Variants in DRC11 observed in about 807,000 individuals in gnomAD.
The protein encoded by DRC11 is dynein regulatory complex subunit 11.
chr2:236,430,727 T>C, the DRC11 span, among the ~76,000 whole-genome samples: 1 of 152,216 alleles, frequency 6.6e-6, no homozygotes, highest in Non-Finnish European at 1.5e-5. This position sits in a 1 kb window ranked among gnomAD's most constrained non-coding sequence, Gnocchi z 6.0. Context: ...GTATGCACAT[T>C]TGTAATACTG....
At chr2:236,413,005 G>A in the DRC11 span, 1 of 152,234 alleles carries the variant, frequency 6.6e-6, no homozygotes, top group Non-Finnish European at 1.5e-5. The surrounding 1 kb of genome is among the most constrained non-coding windows in gnomAD (Gnocchi z 4.0). Flanking sequence ...GATGTGGGCA[G>A]ACTTGGGCTG....
At chr2:236,489,295 G>A in the DRC11 span, among the ~76,000 whole-genome samples, 1 of 139,786 alleles carries the variant, frequency 7.2e-6, no homozygotes, top group Non-Finnish European at 1.5e-5. Context: ...TGTGGGCTCT[G>A]GGTGCATGCT....
chr2:236,358,446 C>T, the DRC11 span, among the ~76,000 whole-genome samples: 8 of 129,110 alleles, frequency 6.2e-5, no homozygotes, highest in African/African-American at 2.3e-4. Context: ...TATAAATATA[C>T]ATATAAAAAG....
chr2:236,477,077 T>C, the DRC11 span, among the ~76,000 whole-genome samples: 1 of 152,196 alleles, frequency 6.6e-6, no homozygotes, highest in African/African-American at 2.4e-5. Flanking sequence ...TCTTTTTTTG[T>C]TGTGTCTATG....
chr2:236,409,786 A>G, the DRC11 span, among the ~76,000 whole-genome samples: 2 of 152,034 alleles, frequency 1.3e-5, no homozygotes, highest in Non-Finnish European at 2.9e-5. Flanking sequence ...ACGTCCCATC[A>G]ATACCTAATT....
chr2:236,494,291 C>T, the DRC11 span, among the ~76,000 whole-genome samples: 5 of 152,060 alleles, frequency 3.3e-5, no homozygotes, highest in African/African-American at 4.8e-5. This position sits in a 1 kb window ranked among gnomAD's most constrained non-coding sequence, Gnocchi z 4.2. Context: ...TCATTAGCAC[C>T]GACTATTTGT....
the DRC11 span, chr2:236,331,375 T>C: frequency 2.5e-6 from 4 of 1,613,034 alleles, no homozygotes; most frequent in East Asian, 4.5e-5. This position sits in a 1 kb window ranked among gnomAD's most constrained non-coding sequence, Gnocchi z 4.8. Context: ...GCTCTCTTCT[T>C]CCTCTTTGTA....
At chr2:236,430,125 C>T in the DRC11 span, among the ~76,000 whole-genome samples, 1 of 151,836 alleles carries the variant, frequency 6.6e-6, no homozygotes, top group East Asian at 1.9e-4. The surrounding 1 kb of genome is among the most constrained non-coding windows in gnomAD (Gnocchi z 6.0). Context: ...AATACACTTG[C>T]TAAAAAGTCA....
the DRC11 span, among the ~76,000 whole-genome samples, chr2:236,492,613 T>C: frequency 1.8e-4 from 27 of 152,298 alleles, no homozygotes; most frequent in African/African-American, 5.8e-4. Flanking sequence ...CCAGCTTGAA[T>C]GGACAAGTGC....
the DRC11 span, among the ~76,000 whole-genome samples, chr2:236,310,230 GA>G: frequency 6.6e-6 from 1 of 152,120 alleles, no homozygotes; most frequent in Non-Finnish European, 1.5e-5. This position sits in a 1 kb window ranked among gnomAD's most constrained non-coding sequence, Gnocchi z 5.5. Flanking sequence ...GGGCCCAGGA[GA>G]AAAGGCAGGA....
At chr2:236,365,258 G>C in the DRC11 span, among the ~76,000 whole-genome samples, 1 of 152,048 alleles carries the variant, frequency 6.6e-6, no homozygotes, top group Admixed American at 6.5e-5. This position sits in a 1 kb window ranked among gnomAD's most constrained non-coding sequence, Gnocchi z 7.4. Context: ...GAGAACGGGA[G>C]GCAAGCAGTG....
the DRC11 span, among the ~76,000 whole-genome samples, chr2:236,340,006 G>T: frequency 6.6e-6 from 1 of 152,218 alleles, no homozygotes; most frequent in South Asian, 2.1e-4. Context: ...ATCTTAACAA[G>T]ATTAAGTCTT....
chr2:236,355,605 C>T, the DRC11 span, among the ~76,000 whole-genome samples: 1 of 152,108 alleles, frequency 6.6e-6, no homozygotes, highest in Non-Finnish European at 1.5e-5. Flanking sequence ...CCTCTCTTTC[C>T]TCTCCCCCTC....
At chr2:236,316,354 G>A in the DRC11 span, among the ~76,000 whole-genome samples, 2 of 152,072 alleles carry the variant, frequency 1.3e-5, no homozygotes, top group East Asian at 1.9e-4. This position sits in a 1 kb window ranked among gnomAD's most constrained non-coding sequence, Gnocchi z 6.8. Flanking sequence ...GTAGAGATAG[G>A]GTTTCACCAT....
chr2:236,443,892 G>A, the DRC11 span, among the ~76,000 whole-genome samples: 5 of 151,856 alleles, frequency 3.3e-5, no homozygotes, highest in Non-Finnish European at 5.9e-5. The surrounding 1 kb of genome is among the most constrained non-coding windows in gnomAD (Gnocchi z 4.4). Flanking sequence ...TCTGACTGGC[G>A]TGAGATGGTA....
the DRC11 span, among the ~76,000 whole-genome samples, chr2:236,469,204 T>C: frequency 5.4e-3 from 817 of 152,332 alleles, 9 homozygotes; most frequent in African/African-American, 0.019. The surrounding 1 kb of genome is among the most constrained non-coding windows in gnomAD (Gnocchi z 5.8). Context: ...ATTTTACTTT[T>C]ATTTATTTAT....
At chr2:236,344,927 G>C in the DRC11 span, among the ~76,000 whole-genome samples, 2 of 148,298 alleles carry the variant, frequency 1.3e-5, no homozygotes, top group Non-Finnish European at 3.0e-5. Context: ...TCTCTCTGGG[G>C]TGTGCAGAGC....
the DRC11 span, among the ~76,000 whole-genome samples, chr2:236,310,423 CATT>C: frequency 6.6e-6 from 1 of 152,230 alleles, no homozygotes; most frequent in Admixed American, 6.5e-5. The surrounding 1 kb of genome is among the most constrained non-coding windows in gnomAD (Gnocchi z 5.5). Flanking sequence ...TTCATCAACT[CATT>C]ATTATCAGCA....
chr2:236,454,824 T>G, the DRC11 span: 2 of 152,206 alleles, frequency 1.3e-5, no homozygotes, highest in Non-Finnish European at 2.9e-5. This position sits in a 1 kb window ranked among gnomAD's most constrained non-coding sequence, Gnocchi z 5.3. Flanking sequence ...TCAAAAAGTC[T>G]TTACTCACCC....
Sources: allele counts gnomAD v4.1 joint callset (sites outside exome capture counted in the v4.1 genomes callset), GRCh38; gene constraint gnomAD v4.1.1; non-coding constraint Gnocchi (gnomAD v3.1); transcripts MANE v1.5; gene names NCBI Gene and HGNC (gene_info 2026-07-23, HGNC 2026-07-21).